The following ADGB variants were observed in gnomAD, a reference collection of about 807,000 sequenced individuals.
ADGB encodes androglobin, also known as calpain-7-like protein.
A neutral mutation model predicts 210.5 loss-of-function variants in ADGB; 172 were observed. The ratio of observed to expected loss-of-function variants is 0.82; its 90% CI spans 0.72 to 0.93. The LOEUF is 0.93. ADGB is among the 40% of genes least tolerant of loss of function. The probability of loss-of-function intolerance (pLI) is 0.00; values close to 1 mark genes in which losing one functional copy is unlikely to be tolerated. For synonymous variants in ADGB, 658 were observed against 662.7 expected (o/e 0.99, Z 0.11); for missense variants, 2,025 against 1,964.8 (o/e 1.03, Z -0.58).
At chr6:146,602,049 C>A (rs1002767362) in intron 1 of ADGB, among the ~76,000 whole-genome samples, 4 of 152,126 alleles carry the variant, frequency 2.6e-5, no homozygotes, top group African/African-American at 9.7e-5. Context: ...CTTTGAATCA[C>A]CAAGAAAAAC....
intron 11 of ADGB, 37 bp downstream of exon 11, chr6:146,691,327 T>C (rs1273524973): frequency 1.4e-6 from 2 of 1,467,428 alleles, no homozygotes; most frequent in Non-Finnish European, 9.0e-7. Flanking sequence ...TTCTAATTAA[T>C]GTATGAAAGT....
At chr6:146,781,590 C>G (rs933433534) in intron 29 of ADGB, among the ~76,000 whole-genome samples, 1 of 151,678 alleles carries the variant, frequency 6.6e-6, no homozygotes, top group Non-Finnish European at 1.5e-5. Flanking sequence ...TCTTAAAAAA[C>G]TAGAAAACTA....
chr6:146,637,688 C>T (rs543847178), intron 2 of ADGB, among the ~76,000 whole-genome samples: 1 of 152,004 alleles, frequency 6.6e-6, no homozygotes, highest in African/African-American at 2.4e-5. Flanking sequence ...ACTCTGCCTG[C>T]CAAAAGGAAA....
intron 12 of ADGB, among the ~76,000 whole-genome samples, chr6:146,699,392 C>A (rs1236056938): frequency 1.3e-5 from 2 of 152,116 alleles, no homozygotes; most frequent in African/African-American, 4.8e-5. Context: ...GGCAGAAGCC[C>A]TGGACTTTTG....
At chr6:146,730,248 C>G (rs999056560) in intron 20 of ADGB, among the ~76,000 whole-genome samples, 4 of 152,058 alleles carry the variant, frequency 2.6e-5, no homozygotes, top group Non-Finnish European at 5.9e-5. Flanking sequence ...AATCTCCCAA[C>G]CTAGATGACC....
chr6:146,652,528 A>G (rs909730581), intron 3 of ADGB, among the ~76,000 whole-genome samples: 1 of 152,124 alleles, frequency 6.6e-6, no homozygotes, highest in African/African-American at 2.4e-5. Flanking sequence ...TTTTCATGTT[A>G]ATTTGGTATG....
At chr6:146,693,959 G>C (rs1776370783) in intron 12 of ADGB, among the ~76,000 whole-genome samples, 1 of 152,022 alleles carries the variant, frequency 6.6e-6, no homozygotes, top group Non-Finnish European at 1.5e-5. Context: ...ATTTCTACCA[G>C]AATTTAGTTC....
intron 35 of ADGB, among the ~76,000 whole-genome samples, chr6:146,806,965 C>T (rs1469653417): frequency 2.0e-5 from 3 of 152,154 alleles, no homozygotes; most frequent in African/African-American, 4.8e-5. Context: ...AAGTAACCAA[C>T]GGATTTGGCC....
At chr6:146,736,238 T>C (rs969502351) in intron 22 of ADGB, among the ~76,000 whole-genome samples, 6 of 152,202 alleles carry the variant, frequency 3.9e-5, no homozygotes, top group African/African-American at 1.4e-4. Flanking sequence ...CTTTGATGAC[T>C]ATCTTAAATT....
intron 26 of ADGB, among the ~76,000 whole-genome samples, chr6:146,750,686 C>T (rs1402515212): frequency 6.6e-6 from 1 of 152,112 alleles, no homozygotes; most frequent in Non-Finnish European, 1.5e-5. Flanking sequence ...AAAATAAGAA[C>T]AAAAAGCCAA....
rs189413750 is a variant in ADGB at position 146,666,821 on chromosome 6, A to G, written c.758A>G (p.His253Arg). The change falls in exon 7 of 36, where the codon CAT (histidine) becomes CGT (arginine). Residue 253 changes from histidine (H) to arginine (R), a missense_variant. Transcript: ENST00000397944. Reference protein sequence around the residue: ...AIIKLANIDIHVADRRELGEF... With the variant: ...AIIKLANIDIRVADRRELGEF... Reference sequence around the variant, plus strand: ...TTATGCATGTTCTTTTTTAGCATCCATGTAGCAGACAGGAGAGAGCTGGGG... The same window carrying G: ...TTATGCATGTTCTTTTTTAGCATCCGTGTAGCAGACAGGAGAGAGCTGGGG... 1,145 of 1,546,578 alleles carry G rather than the reference A, an allele frequency of 7.4e-4. 7 individuals are homozygous for G. The African/African-American group carries it at 0.013, about 18-fold the overall frequency.
In ADGB at chr6:146,740,526, AT is replaced by A; in HGVS notation, c.2958del (p.Ile986MetfsTer8). ...ATGCTATCAAGATGAAGAAACTAAG[AT>A]TGCTTTTGCAGATTATACTGTGACT... Reference protein sequence around the residue: ...YPCYQDEETKIAFADYTVTYQ... With the variant: ...YPCYQDEETKXAFADYTVTYQ... On this transcript the variant is annotated frameshift_variant, in exon 24 of 36. Coordinates refer to ENST00000397944, the MANE Select transcript of ADGB (RefSeq NM_024694.4). LOFTEE classifies it high-confidence loss of function. 3 of 1,550,416 alleles carry A rather than the reference AT, an allele frequency of 1.9e-6. No homozygotes were observed. The South Asian group carries it at 3.6e-5, about 18-fold the overall frequency.
chr6:146,602,812 G>A (rs917461309), intron 1 of ADGB, among the ~76,000 whole-genome samples: 8 of 152,196 alleles, frequency 5.3e-5, no homozygotes, highest in African/African-American at 1.9e-4. Context: ...TCTCATAGGA[G>A]CGCAAATCCT....
intron 2 of ADGB, among the ~76,000 whole-genome samples, chr6:146,642,287 G>A (rs1262316098): frequency 1.3e-5 from 2 of 152,048 alleles, no homozygotes; most frequent in African/African-American, 4.8e-5. Flanking sequence ...CTGTTGGTGG[G>A]AGTGTAAATT....
At chr6:146,700,288 T>A (rs1365902101) in intron 12 of ADGB, among the ~76,000 whole-genome samples, 1 of 152,230 alleles carries the variant, frequency 6.6e-6, no homozygotes, top group Non-Finnish European at 1.5e-5. Context: ...TGCTACCCTC[T>A]AGTGGCAGTT....
chr6:146,708,768 T>C (rs1376062789), intron 13 of ADGB, among the ~76,000 whole-genome samples: 1 of 152,128 alleles, frequency 6.6e-6, no homozygotes, highest in East Asian at 1.9e-4. Flanking sequence ...ATTTGAGAAG[T>C]TTTCTGCTAT....
chr6:146,811,992 A>G (rs574975267), intron 35 of ADGB, among the ~76,000 whole-genome samples: 1 of 152,144 alleles, frequency 6.6e-6, no homozygotes, highest in East Asian at 1.9e-4. Flanking sequence ...TTTTTAAACT[A>G]TTACTCTTTA....
At chr6:146,762,314 C>T (rs1192583843) in intron 27 of ADGB, among the ~76,000 whole-genome samples, 2 of 152,046 alleles carry the variant, frequency 1.3e-5, no homozygotes, top group Non-Finnish European at 2.9e-5. Context: ...TTGTTCAAGT[C>T]TATCCAGATA....
At chr6:146,704,263 C>T (rs1019486430) in intron 13 of ADGB, among the ~76,000 whole-genome samples, 2 of 151,510 alleles carry the variant, frequency 1.3e-5, no homozygotes, top group Non-Finnish European at 3.0e-5. Flanking sequence ...TAGATTGTCT[C>T]CTTATAATTG....
Sources: allele counts gnomAD v4.1 joint callset (sites outside exome capture counted in the v4.1 genomes callset), GRCh38; gene constraint gnomAD v4.1.1; transcripts MANE v1.5; gene names NCBI Gene and HGNC (gene_info 2026-07-23, HGNC 2026-07-21).